Variants in ERCC6 observed in about 807,000 individuals in gnomAD.
The protein encoded by ERCC6 is ERCC excision repair 6, chromatin remodeling factor, also known as DNA excision repair protein ERCC-6.
ERCC6 carries 116 observed loss-of-function variants against 158.7 expected under a neutral mutation model. The ratio of observed to expected loss-of-function variants is 0.73; its 90% CI spans 0.63 to 0.85. The LOEUF is 0.85. ERCC6 is among the 40% of genes least tolerant of loss of function. The pLI, the probability that ERCC6 is intolerant of heterozygous loss-of-function variation, is 0.00. For missense variants in ERCC6, 1,698 were observed against 1,799.4 expected, an observed-to-expected ratio of 0.94 and a Z score of 1.02; for synonymous variants, 678 against 659.3, an observed-to-expected ratio of 1.03 and a Z score of -0.43.
chr10:49,531,207 G>A (rs1028861402), intron 2 of ERCC6, among the ~76,000 whole-genome samples: 32 of 152,222 alleles, frequency 2.1e-4, no homozygotes, highest in Non-Finnish European at 3.2e-4. Context: ...TTTTAAGCCC[G>A]TTACGGAAGC....
At chr10:49,445,562 C>A in the ERCC6 span, among the ~76,000 whole-genome samples, 1 of 152,162 alleles carries the variant, frequency 6.6e-6, no homozygotes, top group Non-Finnish European at 1.5e-5. Context: ...ATTCTAAGCT[C>A]TTTAGACCAA....
chr10:49,527,863 TACAC>T (rs1290304432), intron 4 of ERCC6, among the ~76,000 whole-genome samples: 2 of 151,862 alleles, frequency 1.3e-5, no homozygotes, highest in Non-Finnish European at 2.9e-5. Flanking sequence ...CACACACACA[TACAC>T]ACACACAATG....
chr10:49,516,723 G>T (rs1332852486), intron 5 of ERCC6: 2 of 1,613,968 alleles, frequency 1.2e-6, no homozygotes, highest in African/African-American at 1.3e-5. Flanking sequence ...ATCGTTTGGT[G>T]GTGCTGTAAC....
At position 49,458,311 on chromosome 10, in the gene ERCC6, A is replaced by G. The variant is rs1170131535; in HGVS notation, c.*504T>C. Reference sequence around the variant, plus strand: ...AATTAATATAATTATCAAACAACAAATAACAAACCTGACCTTTGTGGGTGG... The same window carrying G: ...AATTAATATAATTATCAAACAACAAGTAACAAACCTGACCTTTGTGGGTGG... On this transcript the variant is annotated 3_prime_UTR_variant, in exon 21 of 21. Coordinates refer to ENST00000355832, the MANE Select transcript of ERCC6 (RefSeq NM_000124.4). 1 of 155,956 alleles carries G rather than the reference A, an allele frequency of 6.4e-6. No individual in the cohort carries two copies. The highest frequency in any genetic ancestry group is 1.4e-5 in the Non-Finnish European group (1 of 70,258). 9.7% of individuals were successfully genotyped at this position (155,956 alleles called of 1,614,324 possible).
chr10:49,516,924 A>C, intron 5 of ERCC6: 1 of 1,614,080 alleles, frequency 6.2e-7, no homozygotes, highest in Non-Finnish European at 8.5e-7. Context: ...ATCTTGAATA[A>C]GATACGCAGC....
chr10:49,459,180 T>G lies in ERCC6; in HGVS notation c.4117A>C (p.Arg1373=), dbSNP rs1195946913. Residue 1373 remains arginine, a synonymous_variant, in exon 21 of 21, where the codon AGA becomes CGA. Transcript: ENST00000355832. ...KDNVPEHFSG[R]AEDADSSSGP... is the part of the protein sequence containing the mutation. ...GATGAAGAGTCTGCATCTTCTGCTC[T>G]TCCACTAAAATGCTCAGGGACATTA... is the stretch of plus-strand genomic sequence containing the variant. 1 of 1,614,236 alleles carries G rather than the reference T, an allele frequency of 6.2e-7. No homozygotes were observed. Among genetic ancestry groups the G allele is most frequent in the South Asian group, 1.1e-5 (1 of 91,084 alleles).
At position 49,478,446 on chromosome 10, in the gene ERCC6, A is replaced by T. The variant is rs1285612474; in HGVS notation, c.2194T>A (p.Cys732Ser). Residue 732 changes from cysteine (C) to serine (S), a missense_variant, in exon 11 of 21, where the codon TGT becomes AGT. Coordinates refer to ENST00000355832, the MANE Select transcript of ERCC6 (RefSeq NM_000124.4). ...VQVKTAYKCA[C>S]VLRDTINPYL... ...GGATTTATGGTATCTCGTAAGACAC[A>T]TGCACACTTGTAAGCAGTTTTGACC... 6.2e-7 allele frequency: 1 copy of T among 1,613,358 alleles called. No homozygotes were observed. Among genetic ancestry groups the T allele is most frequent in the South Asian group, 1.1e-5 (1 of 91,064 alleles).
chr10:49,476,375 A>G, intron 11 of ERCC6, 65 bp from the exon 12 acceptor site: 2 of 1,121,096 alleles, frequency 1.8e-6, no homozygotes, highest in South Asian at 2.7e-5. Context: ...TAATTAAAAT[A>G]TCAACAAAAC....
chr10:49,526,115 TTTTA>T (rs1468681783), intron 4 of ERCC6, among the ~76,000 whole-genome samples: 366 of 105,088 alleles, frequency 3.5e-3, no homozygotes, highest in African/African-American at 0.014. Context: ...ATTTATATAT[TTTTA>T]TATATATATA....
At chr10:49,437,109 G>A in the ERCC6 span, among the ~76,000 whole-genome samples, 3 of 152,070 alleles carry the variant, frequency 2.0e-5, no homozygotes, top group South Asian at 2.1e-4. Flanking sequence ...GAGATCCGAT[G>A]GTTTTATAAG....
At chr10:49,448,955 C>G in the ERCC6 span, among the ~76,000 whole-genome samples, 33 of 152,316 alleles carry the variant, frequency 2.2e-4, no homozygotes, top group African/African-American at 7.5e-4. Context: ...TTACAAGTTT[C>G]TGTGTGGACA....
chr10:49,487,268 C>A (rs1313899633), intron 8 of ERCC6, among the ~76,000 whole-genome samples: 3 of 152,288 alleles, frequency 2.0e-5, no homozygotes, highest in African/African-American at 4.8e-5. Context: ...AGAATAACCA[C>A]AATGCCTGGA....
intron 5 of ERCC6, among the ~76,000 whole-genome samples, chr10:49,520,582 C>T (rs1329677327): frequency 6.6e-6 from 1 of 152,194 alleles, no homozygotes; most frequent in Non-Finnish European, 1.5e-5. Flanking sequence ...GAGTCAGTGA[C>T]ATCTGTTTTA....
chr10:49,476,802 G>T (rs970151957), intron 11 of ERCC6, among the ~76,000 whole-genome samples: 11 of 152,008 alleles, frequency 7.2e-5, no homozygotes, highest in Non-Finnish European at 1.2e-4. Flanking sequence ...CCATGCGATC[G>T]TGCTCTGTGA....
intron 5 of ERCC6, among the ~76,000 whole-genome samples, chr10:49,508,551 AG>A (rs1296976250): frequency 1.3e-5 from 2 of 152,240 alleles, no homozygotes; most frequent in Non-Finnish European, 2.9e-5. Context: ...GTTTGGCTAA[AG>A]GATGACTAAA....
chr10:49,442,059 C>T, the ERCC6 span, among the ~76,000 whole-genome samples: 1 of 152,142 alleles, frequency 6.6e-6, no homozygotes, highest in Admixed American at 6.5e-5. Context: ...AAGACCCGCG[C>T]CCCCGGGGGA....
chr10:49,471,791 C>T (rs1215023512), intron 16 of ERCC6, among the ~76,000 whole-genome samples: 3 of 152,198 alleles, frequency 2.0e-5, no homozygotes, highest in Non-Finnish European at 4.4e-5. Context: ...CACAGAGCTT[C>T]CTATAAAAGC....
chr10:49,440,511 CT>C, the ERCC6 span, among the ~76,000 whole-genome samples: 1 of 152,158 alleles, frequency 6.6e-6, no homozygotes, highest in East Asian at 1.9e-4. Context: ...AGAGTTACCT[CT>C]GCAGAGAGAG....
chr10:49,490,500 G>A (rs7087700), intron 8 of ERCC6, among the ~76,000 whole-genome samples: 93,458 of 151,776 alleles, frequency 0.62, 30,536 homozygotes, highest in South Asian at 0.8. Flanking sequence ...GACTATAGGC[G>A]TGTGCCACCA....
Sources: gnomAD v4.1 joint callset for allele counts (sites outside exome capture counted in the v4.1 genomes callset) on GRCh38, gnomAD v4.1.1 for gene constraint, MANE v1.5 for transcripts, NCBI Gene and HGNC (gene_info 2026-07-23, HGNC 2026-07-21) for gene names.